SPTLC3: variants seen among roughly 807,000 people sequenced by gnomAD.
SPTLC3 encodes the protein serine palmitoyltransferase long chain base subunit 3.
A neutral mutation model predicts 59.3 loss-of-function variants in SPTLC3; 36 were observed. The observed-to-expected ratio is 0.61, with a 90% CI of 0.47 to 0.80. The LOEUF is 0.80. Ranked by LOEUF, SPTLC3 falls within the 30% of genes least tolerant of loss-of-function variation. The pLI is 0.00. For missense variants in SPTLC3, 625 were observed against 685.1 expected, an observed-to-expected ratio of 0.91 and a Z score of 0.98; for synonymous variants, 257 against 240.8, an observed-to-expected ratio of 1.07 and a Z score of -0.62.
chr20:13,028,313 G>T (rs1986258159), intron 1 of SPTLC3, among the ~76,000 whole-genome samples: 1 of 152,112 alleles, frequency 6.6e-6, no homozygotes. Context: ...GAAAGCTCAG[G>T]GGGCTGATGT....
At chr20:13,027,592 G>A (rs188002946) in intron 1 of SPTLC3, among the ~76,000 whole-genome samples, 3 of 150,296 alleles carry the variant, frequency 2.0e-5, no homozygotes, top group East Asian at 2.0e-4. Flanking sequence ...AGAACAGGAA[G>A]GAAGGAAAAA....
chr20:13,048,339 C>T (rs565696838), intron 1 of SPTLC3, among the ~76,000 whole-genome samples: 6 of 152,266 alleles, frequency 3.9e-5, no homozygotes, highest in African/African-American at 1.4e-4. Context: ...CCCTTAAGTC[C>T]TCTCTTCCAC....
intron 1 of SPTLC3, among the ~76,000 whole-genome samples, chr20:13,022,413 T>G (rs931856927): frequency 3.3e-5 from 5 of 152,152 alleles, no homozygotes; most frequent in African/African-American, 1.2e-4. Context: ...AAAAAAATGA[T>G]TTTATTATGC....
chr20:13,158,271 C>T (rs1316757535), intron 10 of SPTLC3, among the ~76,000 whole-genome samples: 4 of 152,104 alleles, frequency 2.6e-5, no homozygotes. Context: ...AACACAGAGG[C>T]TCATTATATA....
chr20:13,124,084 A>G (rs1333693709), intron 8 of SPTLC3, among the ~76,000 whole-genome samples: 1 of 152,236 alleles, frequency 6.6e-6, no homozygotes. Context: ...TCAGGCCAGC[A>G]TCATGCACAT....
At chr20:13,153,448 A>G (rs1395528310) in intron 9 of SPTLC3, among the ~76,000 whole-genome samples, 2 of 152,192 alleles carry the variant, frequency 1.3e-5, no homozygotes, top group African/African-American at 2.4e-5. Flanking sequence ...CTACCACCAA[A>G]TGCCTCAAAA....
chr20:13,096,498 A>C (rs1989419798), intron 6 of SPTLC3, among the ~76,000 whole-genome samples: 1 of 152,134 alleles, frequency 6.6e-6, no homozygotes, highest in Non-Finnish European at 1.5e-5. Context: ...ACTCTCAAGA[A>C]AAATTATTTT....
At chr20:13,146,064 G>A (rs963191119) in intron 9 of SPTLC3, among the ~76,000 whole-genome samples, 1 of 152,126 alleles carries the variant, frequency 6.6e-6, no homozygotes, top group Admixed American at 6.6e-5. Flanking sequence ...AGAAAATTTG[G>A]TACATATACA....
chr20:13,015,296 T>G (rs1003468920), intron 1 of SPTLC3, among the ~76,000 whole-genome samples: 1 of 152,138 alleles, frequency 6.6e-6, no homozygotes, highest in African/African-American at 2.4e-5. Flanking sequence ...CTTAGCAAAT[T>G]TTAACTATAT....
chr20:13,144,805 C>T (rs1429473984), intron 9 of SPTLC3, among the ~76,000 whole-genome samples: 1 of 152,112 alleles, frequency 6.6e-6, no homozygotes, highest in East Asian at 1.9e-4. Context: ...GACGGAGTCT[C>T]GCTCTGTCGC....
chr20:13,151,215 C>A (rs745997430), intron 9 of SPTLC3, among the ~76,000 whole-genome samples: 1 of 152,212 alleles, frequency 6.6e-6, no homozygotes, highest in Non-Finnish European at 1.5e-5. Flanking sequence ...TCAATTTCTA[C>A]TCTTACTACC....
chr20:13,059,051 G>C (rs1411467875), intron 2 of SPTLC3, among the ~76,000 whole-genome samples: 1 of 152,182 alleles, frequency 6.6e-6, no homozygotes, highest in Non-Finnish European at 1.5e-5. Flanking sequence ...ATGGACATCT[G>C]GGCACCAGCA....
chr20:13,125,529 C>G (rs1006241577), intron 8 of SPTLC3, among the ~76,000 whole-genome samples: 6 of 152,188 alleles, frequency 3.9e-5, no homozygotes, highest in Admixed American at 3.3e-4. Flanking sequence ...ATTTATTTAG[C>G]TTAAAACTCT....
intron 2 of SPTLC3, among the ~76,000 whole-genome samples, chr20:13,060,057 C>T (rs1245289302): frequency 6.6e-6 from 1 of 152,146 alleles, no homozygotes; most frequent in Non-Finnish European, 1.5e-5. Context: ...TACCTCCTGA[C>T]TTTCAGCTAA....
Position 13,048,956 on chromosome 20 carries a change from G to A in SPTLC3, c.129G>A (p.Lys43=). ...GIVKEAQQNG[K]PHFYDKLIVE... ...TTTTGTGTTTTCAGCAAAATGGGAA[G>A]CCACATTTTTATGATAAGCTCATTG... The change falls in exon 2 of 12, where the codon AAG becomes AAA. Residue 43 remains lysine, a synonymous_variant. Coordinates refer to ENST00000399002, the MANE Select transcript of SPTLC3 (RefSeq NM_018327.4). The A allele has an allele frequency of 6.4e-7, 1 of 1,555,796 alleles. No homozygotes were observed. The highest frequency in any genetic ancestry group is 2.1e-5 in the Admixed American group (1 of 47,498).
chr20:13,157,048 G>A (rs2038786414), intron 10 of SPTLC3, among the ~76,000 whole-genome samples: 1 of 152,088 alleles, frequency 6.6e-6, no homozygotes, highest in African/African-American at 2.4e-5. Flanking sequence ...CTAAATATAT[G>A]CTAAGTAAGG....
chr20:13,158,459 A>T (rs1431925329), intron 10 of SPTLC3, among the ~76,000 whole-genome samples: 1 of 152,194 alleles, frequency 6.6e-6, no homozygotes, highest in Non-Finnish European at 1.5e-5. Context: ...AGAAACATGC[A>T]GACAGTGAAA....
intron 1 of SPTLC3, among the ~76,000 whole-genome samples, chr20:13,039,961 T>A (rs1986901528): frequency 6.6e-6 from 1 of 152,024 alleles, no homozygotes; most frequent in Admixed American, 6.6e-5. Context: ...CAGTACAATC[T>A]TATAAATACT....
chr20:13,078,388 C>A (rs918703420), intron 4 of SPTLC3, among the ~76,000 whole-genome samples: 2 of 151,316 alleles, frequency 1.3e-5, no homozygotes, highest in Non-Finnish European at 3.0e-5. Context: ...TTCATAGATG[C>A]TGCTAAGCAT....
Sources: allele counts gnomAD v4.1 joint callset (sites outside exome capture counted in the v4.1 genomes callset), GRCh38; gene constraint gnomAD v4.1.1; transcripts MANE v1.5; gene names NCBI Gene and HGNC (gene_info 2026-07-23, HGNC 2026-07-21).